The following ERC2 variants were observed in gnomAD, a reference collection of about 807,000 sequenced individuals.
ERC2 encodes the protein ERC protein 2.
In ERC2, 42 loss-of-function variants were observed where a neutral mutation model predicts 114.8. The observed-to-expected ratio is 0.37, with a 90% CI of 0.29 to 0.47. The LOEUF is 0.47. Ranked by LOEUF, ERC2 falls within the 20% of genes least tolerant of loss-of-function variation. The pLI, the probability that ERC2 is intolerant of heterozygous loss-of-function variation, is 0.99. For missense variants in ERC2, 939 were observed against 1,150.7 expected, an observed-to-expected ratio of 0.82 and a Z score of 2.66; for synonymous variants, 454 against 425.5, an observed-to-expected ratio of 1.07 and a Z score of -0.82.
chr3:56,299,130 T>TGTTA (rs2055679725), intron 2 of ERC2, among the ~76,000 whole-genome samples: 1 of 88,982 alleles, frequency 1.1e-5, no homozygotes, highest in South Asian at 3.4e-4. Context: ...TTTTTTTTTT[T>TGTTA]GTTTGTTTGT....
At chr3:56,174,334 A>C (rs138516289) in intron 3 of ERC2, among the ~76,000 whole-genome samples, 139 of 152,358 alleles carry the variant, frequency 9.1e-4, no homozygotes, top group Non-Finnish European at 1.4e-3. Context: ...AAGAGAAGAG[A>C]TAAGGACAAT....
intron 15 of ERC2, among the ~76,000 whole-genome samples, chr3:55,718,755 G>C (rs2064274570): frequency 6.6e-6 from 1 of 152,218 alleles, no homozygotes; most frequent in Admixed American, 6.5e-5. Context: ...TTTCCTCAGA[G>C]AGAAATCTTA....
At chr3:56,417,216 T>C (rs1432846816) in intron 2 of ERC2, among the ~76,000 whole-genome samples, 1 of 152,186 alleles carries the variant, frequency 6.6e-6, no homozygotes, top group African/African-American at 2.4e-5. Flanking sequence ...AACATAAGCG[T>C]CTGCCTTTTC....
intron 3 of ERC2, among the ~76,000 whole-genome samples, chr3:56,236,812 G>A (rs898813730): frequency 6.6e-6 from 1 of 152,170 alleles, no homozygotes; most frequent in Admixed American, 6.5e-5. Flanking sequence ...ACAGATACCT[G>A]AGTATTGCCC....
At chr3:56,311,622 A>C (rs2056586245) in intron 2 of ERC2, among the ~76,000 whole-genome samples, 1 of 151,974 alleles carries the variant, frequency 6.6e-6, no homozygotes, top group Admixed American at 6.6e-5. Context: ...TTATGCTAGA[A>C]ACATTCAAAT....
In ERC2 at chr3:56,152,075, CG is replaced by C. The variant is rs1219781300; in HGVS notation, c.1150-2944del. The stretch of plus-strand genomic sequence containing the variant: ...GATAATCGTGGGCCTTCCTTAGAGA[CG>C]GGGAAAGTGAAATATAATGTAGAGT... On this transcript the variant is annotated intron_variant, in intron 4 of 17. Coordinates refer to ENST00000288221, the MANE Select transcript of ERC2 (RefSeq NM_015576.3). Among the ~76,000 whole-genome samples, 11 of 152,030 alleles carry C rather than the reference CG, an allele frequency of 7.2e-5. 1 individual carries two copies. Among genetic ancestry groups the C allele is most frequent in the Admixed American group, 7.2e-4 (11 of 15,240 alleles).
intron 17 of ERC2, among the ~76,000 whole-genome samples, chr3:55,620,515 G>A (rs1319587192): frequency 6.6e-6 from 1 of 152,118 alleles, no homozygotes. Context: ...GAGAAGGATC[G>A]GCATAAACAC....
intron 6 of ERC2, among the ~76,000 whole-genome samples, chr3:56,112,705 G>C (rs17056445): frequency 0.016 from 2,416 of 152,064 alleles, 57 homozygotes; most frequent in African/African-American, 0.039. Flanking sequence ...CATATATTAG[G>C]AGAAAACCAG....
chr3:56,003,243 G>C, intron 10 of ERC2: 1 of 721,606 alleles, frequency 1.4e-6, no homozygotes, highest in South Asian at 1.9e-5. Context: ...AGACGAGTTG[G>C]TTGTTAAAAA....
At chr3:55,866,811 G>C (rs1024226167) in intron 14 of ERC2, among the ~76,000 whole-genome samples, 1 of 152,122 alleles carries the variant, frequency 6.6e-6, no homozygotes, top group African/African-American at 2.4e-5. Context: ...AAGATGTCCA[G>C]AGAAATTAAT....
chr3:56,129,197 G>C (rs59550330), intron 6 of ERC2, among the ~76,000 whole-genome samples: 2 of 152,242 alleles, frequency 1.3e-5, no homozygotes, highest in South Asian at 4.1e-4. Context: ...ATAAAAGTTC[G>C]TATGAAAATG....
intron 2 of ERC2, among the ~76,000 whole-genome samples, chr3:56,426,267 G>A (rs905229676): frequency 2.6e-5 from 4 of 152,134 alleles, no homozygotes; most frequent in Admixed American, 6.5e-5. Flanking sequence ...CATCTGAGTC[G>A]CTGGCACCAT....
At chr3:55,991,644 C>T (rs1485000023) in intron 11 of ERC2, among the ~76,000 whole-genome samples, 1 of 152,112 alleles carries the variant, frequency 6.6e-6, no homozygotes, top group East Asian at 1.9e-4. Flanking sequence ...TGAAGAATTC[C>T]CAACTATATT....
intron 2 of ERC2, among the ~76,000 whole-genome samples, chr3:56,344,509 G>C (rs894731179): frequency 6.6e-6 from 1 of 152,110 alleles, no homozygotes. Context: ...TTCCTCACCC[G>C]CCACACCAAA....
intron 17 of ERC2, among the ~76,000 whole-genome samples, chr3:55,627,019 C>A (rs1331582518): frequency 6.6e-6 from 1 of 152,132 alleles, no homozygotes; most frequent in Non-Finnish European, 1.5e-5. Context: ...AATGTAAAAT[C>A]AAAAAAGCAC....
At chr3:55,973,534 T>A (rs970575805) in intron 12 of ERC2, among the ~76,000 whole-genome samples, 3 of 152,230 alleles carry the variant, frequency 2.0e-5, no homozygotes, top group Non-Finnish European at 2.9e-5. Flanking sequence ...GGAATATCCA[T>A]GTGTGCCTGT....
chr3:55,771,416 C>A (rs1409473229), intron 14 of ERC2, among the ~76,000 whole-genome samples: 1 of 152,208 alleles, frequency 6.6e-6, no homozygotes, highest in African/African-American at 2.4e-5. Context: ...GTCTTCACGT[C>A]CACCCTGCTA....
intron 6 of ERC2, among the ~76,000 whole-genome samples, chr3:56,082,206 T>C (rs959023791): frequency 6.6e-6 from 1 of 151,988 alleles, no homozygotes; most frequent in Admixed American, 6.5e-5. Flanking sequence ...TACAATAATA[T>C]TAAAAGGTGG....
At chr3:55,848,521 C>A (rs1367195074) in intron 14 of ERC2, among the ~76,000 whole-genome samples, 1 of 152,214 alleles carries the variant, frequency 6.6e-6, no homozygotes, top group African/African-American at 2.4e-5. Flanking sequence ...TGGTGGCATT[C>A]CAACTTGCTG....
Sources: allele counts gnomAD v4.1 joint callset (sites outside exome capture counted in the v4.1 genomes callset), GRCh38; gene constraint gnomAD v4.1.1; transcripts MANE v1.5; gene names NCBI Gene and HGNC (gene_info 2026-07-23, HGNC 2026-07-21).